The following TRIM23 variants were observed in gnomAD, a reference collection of about 807,000 sequenced individuals.
The protein encoded by TRIM23 is tripartite motif containing 23, also known as E3 ubiquitin-protein ligase TRIM23.
Under a neutral mutation model 71.0 loss-of-function variants are expected in TRIM23, and 27 were observed. The observed-to-expected ratio is 0.38, with a 90% CI of 0.28 to 0.52. The LOEUF (loss-of-function observed/expected upper bound fraction) is 0.52. TRIM23 is among the 20% of genes least tolerant of loss of function. The pLI, the probability that TRIM23 is intolerant of heterozygous loss-of-function variation, is 0.84. For missense variants in TRIM23, 482 were observed against 692.3 expected, an observed-to-expected ratio of 0.70 and a Z score of 3.41; for synonymous variants, 234 against 238.0, an observed-to-expected ratio of 0.98 and a Z score of 0.16.
chr5:65,619,362 T>C (rs1214406721), intron 1 of TRIM23, among the ~76,000 whole-genome samples: 1 of 152,168 alleles, frequency 6.6e-6, no homozygotes, highest in Admixed American at 6.6e-5. Flanking sequence ...AGCCCGTCTT[T>C]CCCTGTTGGA....
At chr5:65,603,446 G>C (rs1203513274) in intron 7 of TRIM23, among the ~76,000 whole-genome samples, 2 of 152,118 alleles carry the variant, frequency 1.3e-5, no homozygotes, top group Admixed American at 6.6e-5. Context: ...GAAAAAAAAA[G>C]TGTGTAAGGT....
intron 2 of TRIM23, 69 bp downstream of exon 2, chr5:65,618,023 AT>A: frequency 7.1e-7 from 1 of 1,415,992 alleles, no homozygotes; most frequent in African/African-American, 1.5e-5. Flanking sequence ...GTGGAAGGAC[AT>A]TGTTTCCTAT....
intron 2 of TRIM23, among the ~76,000 whole-genome samples, chr5:65,615,074 A>G (rs990323018): frequency 6.6e-6 from 1 of 151,350 alleles, no homozygotes; most frequent in African/African-American, 2.4e-5. Context: ...ATTTTTTTGT[A>G]TATTTTGGTA....
At position 65,591,228 on chromosome 5, in the gene TRIM23, G is replaced by C. The variant is rs1002906146; in HGVS notation, c.*541C>G. 7.8e-5 allele frequency: 97 copies of C among 1,248,452 alleles called. No individual in the cohort carries two copies. The highest frequency in any genetic ancestry group is 9.5e-5 in the Non-Finnish European group (95 of 995,630). 77.3% of individuals were successfully genotyped at this position (1,248,452 alleles called of 1,614,324 possible). On this transcript the variant is annotated 3_prime_UTR_variant, in exon 11 of 11. Coordinates refer to ENST00000231524, the MANE Select transcript of TRIM23 (RefSeq NM_001656.4). Reference sequence around the variant, plus strand: ...TAGTTCTTAGCATTAAAGGTGTTCTGTTAACTCTGAACATAAACATAAAGT... The same window carrying C: ...TAGTTCTTAGCATTAAAGGTGTTCTCTTAACTCTGAACATAAACATAAAGT...
Position 65,590,683 on chromosome 5 carries a change from AT to A in TRIM23, c.*1085del, listed in dbSNP as rs66463129. ...TGAATAATTAATGTAAACTTTTTGA[AT>A]TTTTTTTTTCTTTAGACATTTTTCC... On this transcript the variant is annotated 3_prime_UTR_variant, in exon 11 of 11. Coordinates refer to ENST00000231524, the MANE Select transcript of TRIM23 (RefSeq NM_001656.4). The A allele has an allele frequency of 0.028, 25,054 of 908,682 alleles. 640 individuals are homozygous for A. The highest frequency in any genetic ancestry group is 0.11 in the African/African-American group (5,852 of 55,602). The allele number at this position is 908,682 out of a possible 1,614,324, so 56.3% of individuals were successfully genotyped here. A position where few individuals can be genotyped will look rare whatever the true frequency, so the allele number is the denominator to read the frequency against.
intron 1 of TRIM23, among the ~76,000 whole-genome samples, chr5:65,621,456 C>T (rs1754944767): frequency 6.6e-6 from 1 of 152,168 alleles, no homozygotes; most frequent in African/African-American, 2.4e-5. Context: ...TCCAAAGAAC[C>T]ATATTAAAAT....
chr5:65,591,643 C>CTT lies in TRIM23; in HGVS notation c.*124_*125dup, dbSNP rs1177052191. On this transcript the variant is annotated 3_prime_UTR_variant, in exon 11 of 11. Transcript: ENST00000231524. The stretch of plus-strand genomic sequence containing the variant: ...GTACTGAATTCCCAATCCAAGATTC[C>CTT]TTTATATATATATATATATATATGC... 3.0e-6 allele frequency: 2 copies of CTT among 659,714 alleles called. No homozygotes were observed. Among genetic ancestry groups the CTT allele is most frequent in the South Asian group, 5.1e-5 (1 of 19,612 alleles). 40.9% of individuals were successfully genotyped at this position (659,714 alleles called of 1,614,324 possible).
In TRIM23 at chr5:65,618,073, C is replaced by T; in HGVS notation, c.244+20G>A. ...CATGAACAATTTTCAATCTTAAATC[C>T]ATACAAATACTTTTCCTACCTAGGT... On this transcript the variant is annotated intron_variant, in intron 2 of 10. Coordinates refer to ENST00000231524, the MANE Select transcript of TRIM23 (RefSeq NM_001656.4). 2 of 1,562,692 alleles carry T rather than the reference C, an allele frequency of 1.3e-6. No homozygotes were observed. The highest frequency in any genetic ancestry group is 1.7e-6 in the Non-Finnish European group (2 of 1,153,498).
In TRIM23 at chr5:65,598,748, CAA is replaced by C. The variant is rs34575401; in HGVS notation, c.1180-1570_1180-1569del. Among the ~76,000 whole-genome samples, 944 of 134,948 alleles carry C rather than the reference CAA, an allele frequency of 7.0e-3. 8 individuals carry two copies. The highest frequency in any genetic ancestry group is 0.023 in the African/African-American group (841 of 36,984). 88.5% of individuals were successfully genotyped at this position (134,948 alleles called of 152,430 possible). A position where few individuals can be genotyped will look rare whatever the true frequency, so the allele number is the denominator to read the frequency against. On this transcript the variant is annotated intron_variant, in intron 7 of 10. Transcript: ENST00000231524. Reference sequence around the variant, plus strand: ...GGGCAACAAGAGCGAAACTCCGCCTCAAAAAAAAAAAAAACACATATTAAAGG... The same window carrying C: ...GGGCAACAAGAGCGAAACTCCGCCTCAAAAAAAAAAAACACATATTAAAGG...
intron 1 of TRIM23, 36 bp downstream of exon 1, chr5:65,624,158 C>A (rs1358648117): frequency 3.1e-6 from 5 of 1,613,040 alleles, no homozygotes; most frequent in Non-Finnish European, 4.2e-6. Flanking sequence ...CGAAGGGAGG[C>A]CGATGGTGGA....
intron 9 of TRIM23, 46 bp from the exon 10 acceptor site, chr5:65,594,691 G>T (rs1754148763): frequency 1.4e-6 from 2 of 1,477,624 alleles, no homozygotes; most frequent in Non-Finnish European, 1.8e-6. Flanking sequence ...ACTTGCTAAA[G>T]TTCAGTAAAT....
intron 1 of TRIM23, among the ~76,000 whole-genome samples, chr5:65,618,750 C>T (rs1047615706): frequency 6.6e-6 from 1 of 152,196 alleles, no homozygotes; most frequent in Non-Finnish European, 1.5e-5. Context: ...AAGTAACTTT[C>T]AAGTATCTTC....
At chr5:65,604,195 C>T (rs1754436095) in intron 7 of TRIM23, among the ~76,000 whole-genome samples, 1 of 152,148 alleles carries the variant, frequency 6.6e-6, no homozygotes. Flanking sequence ...CTCCTGGTTT[C>T]AAGTGATTAT....
At chr5:65,600,622 T>TAAAAAAAA (rs34809421) in intron 7 of TRIM23, among the ~76,000 whole-genome samples, 1 of 102,326 alleles carries the variant, frequency 9.8e-6, no homozygotes, top group Non-Finnish European at 2.0e-5. Flanking sequence ...AAAAGCACAG[T>TAAAAAAAA]AAAAAAAAAA....
intron 6 of TRIM23, among the ~76,000 whole-genome samples, chr5:65,608,071 A>G (rs1754553255): frequency 6.6e-6 from 1 of 152,218 alleles, no homozygotes; most frequent in Non-Finnish European, 1.5e-5. Flanking sequence ...AGGAACTCTG[A>G]GGTATTAAGG....
At chr5:65,608,378 A>C (rs746493005) in intron 6 of TRIM23, among the ~76,000 whole-genome samples, 1 of 152,210 alleles carries the variant, frequency 6.6e-6, no homozygotes. Context: ...AATAGCATAC[A>C]TATCAACTGT....
chr5:65,590,333 A>T lies in TRIM23; in HGVS notation c.*1436T>A. ...AAATAAAGGATGAAATATTACATTT[A>T]TTTATTTACATATTGCCCATAATAC... On this transcript the variant is annotated 3_prime_UTR_variant, in exon 11 of 11. Transcript: ENST00000231524. 1 of 1,455,844 alleles carries T rather than the reference A, an allele frequency of 6.9e-7. No individual in the cohort carries two copies. The highest frequency in any genetic ancestry group is 2.4e-5 in the East Asian group (1 of 41,880). 90.2% of individuals were successfully genotyped at this position (1,455,844 alleles called of 1,614,324 possible). A position where few individuals can be genotyped will look rare whatever the true frequency, so the allele number is the denominator to read the frequency against.
chr5:65,613,790 GT>G, intron 3 of TRIM23: 1 of 1,285,262 alleles, frequency 7.8e-7, no homozygotes, highest in Non-Finnish European at 1.0e-6. Context: ...CTTCTCTACT[GT>G]TGCTTACATA....
At chr5:65,613,062 C>G (rs1370101241) in intron 3 of TRIM23, among the ~76,000 whole-genome samples, 27 of 152,014 alleles carry the variant, frequency 1.8e-4, no homozygotes, top group Non-Finnish European at 5.9e-5. Flanking sequence ...TTAAATACAT[C>G]AATGGTGTCA....
Sources: gnomAD v4.1 joint callset for allele counts (sites outside exome capture counted in the v4.1 genomes callset) on GRCh38, gnomAD v4.1.1 for gene constraint, MANE v1.5 for transcripts, NCBI Gene and HGNC (gene_info 2026-07-23, HGNC 2026-07-21) for gene names.